The following PCDHA9 variants were observed in gnomAD, a reference collection of about 807,000 sequenced individuals.
PCDHA9 encodes protocadherin alpha-9.
A neutral mutation model predicts 62.0 loss-of-function variants in PCDHA9; 62 were observed. The observed-to-expected ratio is 1.00, with a 90% confidence interval of 0.81 to 1.23. The LOEUF (loss-of-function observed/expected upper bound fraction) is 1.23. Ranked by LOEUF, PCDHA9 falls within the 50% of genes most tolerant of loss-of-function variation. The pLI, the probability that PCDHA9 is intolerant of heterozygous loss-of-function variation, is 0.00. For missense variants in PCDHA9, 1,205 were observed against 1,249.8 expected (o/e 0.96, Z 0.54); for synonymous variants, 557 against 567.6 (o/e 0.98, Z 0.27).
At chr5:140,935,358 A>C (rs2090329846) in intron 1 of PCDHA9, among the ~76,000 whole-genome samples, 1 of 152,220 alleles carries the variant, frequency 6.6e-6, no homozygotes, top group East Asian at 1.9e-4. Context: ...CCCAGTTTTC[A>C]TTAACGTCAA....
chr5:140,868,540 A>T (rs1244659306), intron 1 of PCDHA9: 2 of 152,656 alleles, frequency 1.3e-5, no homozygotes, highest in Admixed American at 6.5e-5. Flanking sequence ...AAACAATTCA[A>T]ATTTGATAGT....
chr5:140,884,824 T>A, intron 1 of PCDHA9: 1 of 993,590 alleles, frequency 1.0e-6, no homozygotes, highest in Non-Finnish European at 1.4e-6. Context: ...ACATTATGTG[T>A]TGGATTATCC....
chr5:140,922,409 C>A (rs1335922543), intron 1 of PCDHA9, among the ~76,000 whole-genome samples: 2 of 152,154 alleles, frequency 1.3e-5, no homozygotes, highest in Non-Finnish European at 2.9e-5. Context: ...TTAAAAAGAT[C>A]TAGGTACAGA....
chr5:140,899,962 C>G (rs1562916347), intron 1 of PCDHA9, among the ~76,000 whole-genome samples: 1 of 152,064 alleles, frequency 6.6e-6, no homozygotes, highest in African/African-American at 2.4e-5. Flanking sequence ...CATGTGCTGC[C>G]ATGCCCAGCT....
chr5:140,884,445 C>G, intron 1 of PCDHA9: 1 of 1,613,802 alleles, frequency 6.2e-7, no homozygotes, highest in Non-Finnish European at 8.5e-7. Flanking sequence ...TGCTCGGCAC[C>G]GCCCACCGAG....
intron 1 of PCDHA9, chr5:140,884,108 G>T: frequency 1.9e-6 from 3 of 1,613,402 alleles, no homozygotes; most frequent in Non-Finnish European, 2.5e-6. Context: ...ATTGCAGCTG[G>T]CGGCGGTCGG....
At chr5:140,909,868 G>A (rs782144709) in intron 1 of PCDHA9, among the ~76,000 whole-genome samples, 9 of 152,136 alleles carry the variant, frequency 5.9e-5, no homozygotes, top group Non-Finnish European at 8.8e-5. Flanking sequence ...TGGAGTCAAC[G>A]TCAGCTTAGA....
intron 1 of PCDHA9, among the ~76,000 whole-genome samples, chr5:140,944,593 TG>T: frequency 6.6e-6 from 1 of 152,318 alleles, no homozygotes; most frequent in South Asian, 2.1e-4. Flanking sequence ...AGAATTTCCC[TG>T]GGTAGAGTAG....
At chr5:140,883,825 G>T in intron 1 of PCDHA9, 1 of 1,612,576 alleles carries the variant, frequency 6.2e-7, no homozygotes, top group South Asian at 1.1e-5. Context: ...AGGTGTACGC[G>T]CTGCAGCCGT....
chr5:140,868,933 T>C, intron 1 of PCDHA9: 1 of 1,104,696 alleles, frequency 9.1e-7, no homozygotes, highest in Non-Finnish European at 1.3e-6. Flanking sequence ...ATTTAAAGGT[T>C]GGTCTGAACA....
chr5:140,902,866 C>T (rs1449193268), intron 1 of PCDHA9, among the ~76,000 whole-genome samples: 1 of 152,186 alleles, frequency 6.6e-6, no homozygotes, highest in Non-Finnish European at 1.5e-5. Context: ...TCCAGGTCCA[C>T]CCAAGCTGCT....
chr5:140,892,408 G>C (rs1323060042), intron 1 of PCDHA9, among the ~76,000 whole-genome samples: 1 of 152,054 alleles, frequency 6.6e-6, no homozygotes, highest in Non-Finnish European at 1.5e-5. Context: ...TCAAGCTTCA[G>C]GTATTCTAGA....
At chr5:140,949,783 G>A (rs1181020228) in intron 1 of PCDHA9, among the ~76,000 whole-genome samples, 1 of 151,784 alleles carries the variant, frequency 6.6e-6, no homozygotes, top group Non-Finnish European at 1.5e-5. Context: ...GATATGTTTA[G>A]ATTTGTGTCC....
In PCDHA9 at chr5:141,012,118, T is replaced by C. The variant is rs2098422988; in HGVS notation, c.*2181T>C. 6.5e-6 allele frequency: 1 copy of C among 153,768 alleles called. No individual in the cohort carries two copies. The highest frequency in any genetic ancestry group is 2.4e-5 in the African/African-American group (1 of 41,458). The allele number at this position is 153,768 out of a possible 1,614,324, so 9.5% of individuals were successfully genotyped here. A position where few individuals can be genotyped will look rare whatever the true frequency, so the allele number is the denominator to read the frequency against. On this transcript the variant is annotated 3_prime_UTR_variant, in exon 4 of 4. Coordinates refer to ENST00000532602, the MANE Select transcript of PCDHA9 (RefSeq NM_031857.2). ...TCATTTTGCCCCACTGAAGCCCATG[T>C]ATCTGACCTTACGTGCCTTTTGAAC...
At chr5:140,967,099 T>G in intron 1 of PCDHA9, 1 of 1,613,074 alleles carries the variant, frequency 6.2e-7, no homozygotes, top group Non-Finnish European at 8.5e-7. Context: ...AGGCGCTGTG[T>G]GAGCAGCGGC....
In PCDHA9 at chr5:140,850,828, C is replaced by G. The variant is rs2150499866; in HGVS notation, c.2333C>G (p.Pro778Arg). 6.3e-7 allele frequency: 1 copy of G among 1,598,230 alleles called. No homozygotes were observed. Among genetic ancestry groups the G allele is most frequent in the East Asian group, 2.2e-5 (1 of 44,856 alleles). Residue 778 changes from proline to arginine, a missense_variant, in exon 1 of 4, where the codon CCT (proline) becomes CGT (arginine). Pro to Arg is a moderately radical substitution (Grantham distance 103). Coordinates refer to ENST00000532602, the MANE Select transcript of PCDHA9 (RefSeq NM_031857.2). ...DLMAFSPGLS[P>R]CAGSTERTGE... ...ATGGCCTTCAGCCCGGGCCTTTCTC[C>G]TTGTGCTGGATCTACAGAGCGAACG...
chr5:140,927,635 A>G (rs782672031), intron 1 of PCDHA9: 17 of 1,614,038 alleles, frequency 1.1e-5, no homozygotes, highest in East Asian at 4.5e-5. Context: ...ACTGCACCCA[A>G]TGGGACTGTG....
rs546551059 is a variant in PCDHA9, at chr5:140,918,074, G to A, written c.2395-60875G>A. Among the ~76,000 whole-genome samples, 10 of 152,214 alleles carry A rather than the reference G, an allele frequency of 6.6e-5. No individual in the cohort carries two copies. The East Asian group carries it at 1.9e-3, about 29-fold the overall frequency. On this transcript the variant is annotated intron_variant, in intron 1 of 3. Transcript: ENST00000532602. ...TTATCATCTCTGATTTCTTTCAGTA[G>A]TGTTTTATAATTCTTTTTATAGAGA...
intron 1 of PCDHA9, among the ~76,000 whole-genome samples, chr5:140,923,950 C>A (rs544576500): frequency 6.6e-6 from 1 of 152,148 alleles, no homozygotes; most frequent in Non-Finnish European, 1.5e-5. Context: ...TTTTTCCTCA[C>A]GCCCTAATCT....
Sources: allele counts gnomAD v4.1 joint callset (sites outside exome capture counted in the v4.1 genomes callset), GRCh38; gene constraint gnomAD v4.1.1; transcripts MANE v1.5; gene names NCBI Gene and HGNC (gene_info 2026-07-23, HGNC 2026-07-21).